DOCK3: variants seen among roughly 807,000 people sequenced by gnomAD.
DOCK3 encodes the protein dedicator of cytokinesis 3, also known as dedicator of cytokinesis protein 3.
DOCK3 carries 60 observed loss-of-function variants against 265.6 expected under a neutral mutation model. The observed-to-expected ratio is 0.23, with a 90% CI of 0.18 to 0.28. DOCK3 has a LOEUF of 0.28. Among genes scored for constraint, DOCK3 ranks in the 10% least tolerant of loss-of-function variants. The pLI is 1.00. For synonymous variants in DOCK3, 881 were observed against 938.0 expected (o/e 0.94, Z 1.11); for missense variants, 1,981 against 2,594.3 (o/e 0.76, Z 5.14).
intron 12 of DOCK3, among the ~76,000 whole-genome samples, chr3:51,201,800 A>G (rs994662901): frequency 2.4e-4 from 36 of 152,192 alleles, no homozygotes; most frequent in Non-Finnish European, 7.3e-5. Flanking sequence ...AATGTAAAAG[A>G]ACAGAAATTA....
chr3:50,735,417 T>A (rs1358860236), intron 1 of DOCK3, among the ~76,000 whole-genome samples: 1 of 152,168 alleles, frequency 6.6e-6, no homozygotes, highest in Non-Finnish European at 1.5e-5. Context: ...CTCAGCTCCC[T>A]GTAACCTCTG....
chr3:50,841,241 C>T (rs1201524778), intron 2 of DOCK3, among the ~76,000 whole-genome samples: 1 of 152,142 alleles, frequency 6.6e-6, no homozygotes, highest in African/African-American at 2.4e-5. Context: ...TTGACTTTAG[C>T]AGCTGGAAGG....
intron 1 of DOCK3, among the ~76,000 whole-genome samples, chr3:50,701,974 G>A (rs1385991436): frequency 1.3e-5 from 2 of 152,156 alleles, no homozygotes; most frequent in African/African-American, 4.8e-5. Flanking sequence ...CTGTAGCTTT[G>A]TAGTATATTT....
Position 51,330,131 on chromosome 3 carries a change from C to T in DOCK3, c.3403-7C>T, listed in dbSNP as rs2084418969. On this transcript the variant is annotated splice_region_variant and splice_polypyrimidine_tract_variant and intron_variant, in intron 32 of 52. Transcript: ENST00000266037. ...CTCAGGTTTATGAAGTCTCTGCTTC[C>T]TTCTAGGTGGAGGCCGAGTTGATTG... 6 of 1,595,824 alleles carry T rather than the reference C, an allele frequency of 3.8e-6. No homozygotes were observed. The highest frequency in any genetic ancestry group is 5.1e-6 in the Non-Finnish European group (6 of 1,171,166).
intron 48 of DOCK3, 95 bp from the exon 49 acceptor site, chr3:51,362,432 C>A (rs2110357613): frequency 2.0e-6 from 3 of 1,504,714 alleles, no homozygotes; most frequent in Non-Finnish European, 2.7e-6. Flanking sequence ...GGCACTGGGG[C>A]AGAACACCTC....
intron 3 of DOCK3, among the ~76,000 whole-genome samples, chr3:50,861,439 T>G (rs780474824): frequency 2.6e-5 from 4 of 152,210 alleles, no homozygotes; most frequent in Admixed American, 6.5e-5. Flanking sequence ...TAGATGTCTA[T>G]TAGGTCATTT....
At chr3:51,302,026 G>A (rs770300882) in intron 27 of DOCK3, among the ~76,000 whole-genome samples, 3 of 152,118 alleles carry the variant, frequency 2.0e-5, no homozygotes, top group African/African-American at 4.8e-5. Context: ...ATTGACAGTG[G>A]AGTGTTAAAG....
At chr3:50,778,636 TA>T in intron 1 of DOCK3, 38 bp from the exon 2 acceptor site, 1 of 1,496,416 alleles carries the variant, frequency 6.7e-7, no homozygotes, top group African/African-American at 1.4e-5. Context: ...TCTCAGTGTT[TA>T]AAAATGCTAA....
chr3:51,064,257 G>A (rs916508709), intron 5 of DOCK3, among the ~76,000 whole-genome samples, 191 bp from the exon 6 acceptor site: 7 of 152,160 alleles, frequency 4.6e-5, no homozygotes, highest in Non-Finnish European at 1.0e-4. Context: ...TACTTTGTTG[G>A]ATGTCACTAC....
chr3:50,687,552 C>T (rs565346303), intron 1 of DOCK3, among the ~76,000 whole-genome samples: 5 of 152,320 alleles, frequency 3.3e-5, no homozygotes, highest in East Asian at 3.9e-4. Flanking sequence ...GTATGCTCTG[C>T]GTCCATTTCC....
chr3:51,094,053 T>C (rs1390756894), intron 9 of DOCK3, among the ~76,000 whole-genome samples: 1 of 152,230 alleles, frequency 6.6e-6, no homozygotes, highest in African/African-American at 2.4e-5. Flanking sequence ...TTTGATATGC[T>C]GCTGGAGTTG....
intron 27 of DOCK3, among the ~76,000 whole-genome samples, chr3:51,288,814 A>G (rs1057460423): frequency 1.3e-5 from 2 of 152,098 alleles, no homozygotes; most frequent in African/African-American, 4.8e-5. Context: ...AAGGCTACTC[A>G]TAAGCCAACA....
At chr3:51,246,542 T>C (rs912720803) in intron 21 of DOCK3, among the ~76,000 whole-genome samples, 184 bp from the exon 22 acceptor site, 3 of 152,234 alleles carry the variant, frequency 2.0e-5, no homozygotes, top group Admixed American at 6.5e-5. Context: ...GCAACTCCTA[T>C]GGACAAAGAG....
chr3:51,075,175 C>T (rs1254578619), intron 6 of DOCK3, among the ~76,000 whole-genome samples, 181 bp from the exon 7 acceptor site: 5 of 152,100 alleles, frequency 3.3e-5, no homozygotes, highest in African/African-American at 9.7e-5. Context: ...AACTTAAATC[C>T]CTAGCCTCAT....
In DOCK3 at chr3:51,016,774, TATATATC is replaced by T. The variant is rs574016146; in HGVS notation, c.316-47667_316-47661del. On this transcript the variant is annotated intron_variant, in intron 5 of 52. Transcript: ENST00000266037. ...ATATAATATATATGATATATGTTTA[TATATATC>T]ATATATAAATATATATGATATATGT... Among the ~76,000 whole-genome samples, 133 of 31,826 alleles carry T rather than the reference TATATATC, an allele frequency of 4.2e-3. 59 individuals carry two copies. The highest frequency in any genetic ancestry group is 0.021 in the African/African-American group (127 of 6,062). The allele number at this position is 31,826 out of a possible 152,430, so 20.9% of individuals were successfully genotyped here.
At chr3:50,756,335 G>A (rs757015213) in intron 1 of DOCK3, among the ~76,000 whole-genome samples, 10 of 152,138 alleles carry the variant, frequency 6.6e-5, no homozygotes, top group Admixed American at 4.6e-4. Context: ...TTATTGGGAA[G>A]CTGCTGATTA....
At chr3:51,142,289 T>A (rs1282854858) in intron 9 of DOCK3, among the ~76,000 whole-genome samples, 1 of 152,196 alleles carries the variant, frequency 6.6e-6, no homozygotes, top group African/African-American at 2.4e-5. Context: ...TAATGCATAG[T>A]TCAGTGAGTC....
chr3:51,307,568 A>G (rs1278946078), intron 27 of DOCK3, among the ~76,000 whole-genome samples: 2 of 152,062 alleles, frequency 1.3e-5, no homozygotes, highest in African/African-American at 2.4e-5. Flanking sequence ...TTTTATGTGT[A>G]TGTGTTGGGG....
At chr3:51,370,276 C>T (rs1364707136) in intron 49 of DOCK3, among the ~76,000 whole-genome samples, 1 of 152,108 alleles carries the variant, frequency 6.6e-6, no homozygotes. Flanking sequence ...TTGTTTTTTT[C>T]CCTAACCTAA....
Sources: gnomAD v4.1 joint callset for allele counts (sites outside exome capture counted in the v4.1 genomes callset) on GRCh38, gnomAD v4.1.1 for gene constraint, MANE v1.5 for transcripts, NCBI Gene and HGNC (gene_info 2026-07-23, HGNC 2026-07-21) for gene names.